The following DYRK1A variants were observed in gnomAD, a reference collection of about 807,000 sequenced individuals.
DYRK1A encodes dual specificity tyrosine-phosphorylation-regulated kinase 1A.
DYRK1A carries 9 observed loss-of-function variants against 79.7 expected under a neutral mutation model. The ratio of observed to expected loss-of-function variants is 0.11; its 90% confidence interval spans 0.07 to 0.20. DYRK1A has a LOEUF of 0.20. Among genes scored for constraint, DYRK1A ranks in the 10% least tolerant of loss-of-function variants. DYRK1A has a pLI of 1.00. For missense variants in DYRK1A, 622 were observed against 956.0 expected (o/e 0.65, Z 4.61); for synonymous variants, 349 against 329.7 (o/e 1.06, Z -0.63).
intron 9 of DYRK1A, among the ~76,000 whole-genome samples, chr21:37,498,656 C>G (rs2053347503): frequency 6.6e-6 from 1 of 152,126 alleles, no homozygotes; most frequent in Non-Finnish European, 1.5e-5. Flanking sequence ...AGGGAACAGT[C>G]TTTTATACAT....
In DYRK1A at chr21:37,517,582, T is replaced by A. The variant is rs1601347113; in HGVS notation, c.*5051T>A. ...GGGAGATTCAGAGCCAAGGGCAAAATAAAGTGGCAGGCACTGGGTGTGTGT... is the reference window on the plus strand; with the variant it reads ...GGGAGATTCAGAGCCAAGGGCAAAAAAAAGTGGCAGGCACTGGGTGTGTGT... On this transcript the variant is annotated 3_prime_UTR_variant, in exon 12 of 12. Coordinates refer to ENST00000647188, the MANE Select transcript of DYRK1A (RefSeq NM_001347721.2). 6.6e-6 allele frequency: 1 copy of A among 152,166 alleles called. No homozygotes were observed. Among genetic ancestry groups the A allele is most frequent in the Non-Finnish European group, 1.5e-5 (1 of 68,062 alleles). 9.4% of individuals were successfully genotyped at this position (152,166 alleles called of 1,614,324 possible).
At chr21:37,489,938 A>T (rs908005413) in intron 6 of DYRK1A, among the ~76,000 whole-genome samples, 1 of 152,150 alleles carries the variant, frequency 6.6e-6, no homozygotes, top group African/African-American at 2.4e-5. Flanking sequence ...TTTTGGTAGC[A>T]CTGCTTACCT....
At chr21:37,479,606 G>GTGTTTTTTTT (rs2052537355) in intron 4 of DYRK1A, among the ~76,000 whole-genome samples, 1 of 27,594 alleles carries the variant, frequency 3.6e-5, no homozygotes, top group African/African-American at 1.5e-4. Context: ...TTTTGTTTTT[G>GTGTTTTTTTT]TTTTTGTTTT....
At chr21:37,452,350 G>C (rs2148504738) in intron 2 of DYRK1A, among the ~76,000 whole-genome samples, 1 of 149,004 alleles carries the variant, frequency 6.7e-6, no homozygotes, top group Admixed American at 6.8e-5. Context: ...TAGATTGAGG[G>C]GGATTGAGGT....
chr21:37,431,198 A>G (rs1023557626), intron 2 of DYRK1A, among the ~76,000 whole-genome samples: 1 of 152,196 alleles, frequency 6.6e-6, no homozygotes, highest in Non-Finnish European at 1.5e-5. Context: ...TTTTCTTGTT[A>G]GAAGCACCCT....
rs369277619 is a variant in DYRK1A at position 37,472,667 on chromosome 21, C to T, written c.11-17C>T. ...GGATATGAATATTTCCTTTAAACCT[C>T]ACTTATCTTCTTGTAGGAGGAGAGA... On this transcript the variant is annotated splice_polypyrimidine_tract_variant and intron_variant, in intron 2 of 11. Coordinates refer to ENST00000647188, the MANE Select transcript of DYRK1A (RefSeq NM_001347721.2). 1.3e-6 allele frequency: 2 copies of T among 1,560,612 alleles called. No homozygotes were observed. The highest frequency in any genetic ancestry group is 2.7e-5 in the African/African-American group (2 of 73,536).
At chr21:37,485,046 G>A (rs932523944) in intron 5 of DYRK1A, among the ~76,000 whole-genome samples, 10 of 152,068 alleles carry the variant, frequency 6.6e-5, no homozygotes, top group African/African-American at 2.2e-4. Flanking sequence ...TCCTGATTGC[G>A]TATTGAAATT....
In DYRK1A at chr21:37,397,132, G is replaced by A. The variant is rs563081231; in HGVS notation, c.-76-23167G>A. ...ACTTGTTTTCACATTCTTTCCATGCGAACTTAGCCACATGGCCATACCCAG... is the reference window on the plus strand; with the variant it reads ...ACTTGTTTTCACATTCTTTCCATGCAAACTTAGCCACATGGCCATACCCAG... On this transcript the variant is annotated intron_variant, in intron 1 of 11. Transcript: ENST00000647188. 5.9e-5 allele frequency among the ~76,000 whole-genome samples: 9 copies of A among 152,238 alleles called. No homozygotes were observed. The South Asian group carries it at 1.5e-3, about 25-fold the overall frequency.
At chr21:37,437,253 C>T (rs1569320682) in intron 2 of DYRK1A, among the ~76,000 whole-genome samples, 1 of 151,910 alleles carries the variant, frequency 6.6e-6, no homozygotes. Context: ...AAACACATGC[C>T]CTCCATGAAT....
chr21:37,399,234 G>A (rs1047822119), intron 1 of DYRK1A, among the ~76,000 whole-genome samples: 3 of 152,218 alleles, frequency 2.0e-5, no homozygotes, highest in Non-Finnish European at 4.4e-5. Flanking sequence ...AATCTGGATT[G>A]TGTGTGGATA....
intron 2 of DYRK1A, among the ~76,000 whole-genome samples, chr21:37,464,870 GTAAAAACA>G (rs1172048528): frequency 6.6e-6 from 1 of 152,144 alleles, no homozygotes; most frequent in Non-Finnish European, 1.5e-5. Context: ...AAACTTAAGA[GTAAAAACA>G]TGGGTAATTT....
intron 1 of DYRK1A, among the ~76,000 whole-genome samples, chr21:37,401,455 T>C (rs1332211725): frequency 6.6e-6 from 1 of 152,028 alleles, no homozygotes; most frequent in Non-Finnish European, 1.5e-5. Context: ...TTTGAAGTTT[T>C]TCAGATAGTC....
intron 1 of DYRK1A, among the ~76,000 whole-genome samples, chr21:37,369,590 C>T (rs990802363): frequency 1.3e-5 from 2 of 152,226 alleles, no homozygotes; most frequent in East Asian, 1.9e-4. Flanking sequence ...GTAAAAAGTT[C>T]TCTTGTAAAA....
chr21:37,384,468 A>G (rs2049720290), intron 1 of DYRK1A, among the ~76,000 whole-genome samples: 1 of 152,298 alleles, frequency 6.6e-6, no homozygotes, highest in South Asian at 2.1e-4. Flanking sequence ...TCCTGAAGTA[A>G]AGACTCCTAG....
At chr21:37,394,155 G>A (rs1023257600) in intron 1 of DYRK1A, among the ~76,000 whole-genome samples, 2 of 151,284 alleles carry the variant, frequency 1.3e-5, no homozygotes, top group Non-Finnish European at 3.0e-5. Context: ...TATTCTGTTT[G>A]TTTTTTATTG....
intron 1 of DYRK1A, among the ~76,000 whole-genome samples, chr21:37,372,813 T>C (rs2148355676): frequency 6.6e-6 from 1 of 152,312 alleles, no homozygotes; most frequent in Non-Finnish European, 1.5e-5. Context: ...AATATTTTCT[T>C]CAGAGAGGCC....
Position 37,468,747 on chromosome 21 carries a change from C to T in DYRK1A, c.11-3937C>T, listed in dbSNP as rs191421559. Among the ~76,000 whole-genome samples, 626 of 117,740 alleles carry T rather than the reference C, an allele frequency of 5.3e-3. 9 individuals carry two copies. The highest frequency in any genetic ancestry group is 0.016 in the African/African-American group (598 of 37,008). The allele number at this position is 117,740 out of a possible 152,430, so 77.2% of individuals were successfully genotyped here. ...TGCATTTAGATGTGAGAGAGAAAGC[C>T]CAGTGTTTAGAAGGTAATAGATTTT... On this transcript the variant is annotated intron_variant, in intron 2 of 11. Transcript: ENST00000647188.
At chr21:37,380,508 A>G (rs867757974) in intron 1 of DYRK1A, among the ~76,000 whole-genome samples, 2 of 152,184 alleles carry the variant, frequency 1.3e-5, no homozygotes, top group East Asian at 3.8e-4. Context: ...TTACTCAGCA[A>G]TATTAGAGAC....
Position 37,525,657 on chromosome 21 carries a change from T to C in DYRK1A, c.*13126T>C, listed in dbSNP as rs2053962965. 6.6e-6 allele frequency: 1 copy of C among 152,266 alleles called. No individual in the cohort carries two copies. Among genetic ancestry groups the C allele is most frequent in the Non-Finnish European group, 1.5e-5 (1 of 68,048 alleles). 9.4% of individuals were successfully genotyped at this position (152,266 alleles called of 1,614,324 possible). On this transcript the variant is annotated 3_prime_UTR_variant, in exon 12 of 12. Transcript: ENST00000647188. ...TTGTATTATTTAAGTCAACAGATAC[T>C]TTGTGAGAAATATTTGAATCTATCA...
Sources: gnomAD v4.1 joint callset for allele counts (sites outside exome capture counted in the v4.1 genomes callset) on GRCh38, gnomAD v4.1.1 for gene constraint, MANE v1.5 for transcripts, NCBI Gene and HGNC (gene_info 2026-07-23, HGNC 2026-07-21) for gene names.